The following PALS1 variants were observed in gnomAD, a reference collection of about 807,000 sequenced individuals.
The protein encoded by PALS1 is protein associated with LIN7 1, MAGUK p55 family member.
A neutral mutation model predicts 78.9 loss-of-function variants in PALS1; 31 were observed. That is an observed-to-expected ratio of 0.39 (90% CI 0.30 to 0.53). The LOEUF (loss-of-function observed/expected upper bound fraction) is 0.53, where lower values mean the gene tolerates loss of function less well. Among genes scored for constraint, PALS1 ranks in the 20% least tolerant of loss-of-function variants. The pLI is 0.67. For synonymous variants in PALS1, 276 were observed against 270.9 expected (o/e 1.02, Z -0.18); for missense variants, 704 against 826.5 (o/e 0.85, Z 1.82).
rs8021422 is a variant in PALS1, at chr14:67,261,308, C to T, written c.-236-8393C>T. On this transcript the variant is annotated intron_variant, in intron 1 of 14. Transcript: ENST00000261681. ...AAACTCATAGAAAAGTTAAGATGCT[C>T]ATAGAAAAACCCATGCAAGAGATAA... 8.6e-3 allele frequency among the ~76,000 whole-genome samples: 1,305 copies of T among 152,078 alleles called. 13 individuals carry two copies. Among genetic ancestry groups the T allele is most frequent in the Non-Finnish European group, 0.015 (1,029 of 67,966 alleles).
At chr14:67,313,154 A>G (rs1420197506) in intron 9 of PALS1, among the ~76,000 whole-genome samples, 1 of 152,156 alleles carries the variant, frequency 6.6e-6, no homozygotes, top group Non-Finnish European at 1.5e-5. Flanking sequence ...GGATGCTCCA[A>G]ATTTTTTATT....
intron 1 of PALS1, among the ~76,000 whole-genome samples, chr14:67,259,880 GA>G (rs33951454): frequency 0.36 from 40,398 of 111,844 alleles, 7,484 homozygotes; most frequent in African/African-American, 0.58. Context: ...CTCCATCTAA[GA>G]AAAAAAAAAA....
At chr14:67,285,934 G>T (rs1223555793) in intron 3 of PALS1, among the ~76,000 whole-genome samples, 2 of 152,072 alleles carry the variant, frequency 1.3e-5, no homozygotes, top group Non-Finnish European at 2.9e-5. Flanking sequence ...AAATGTAAGT[G>T]AATTTTCTTA....
chr14:67,246,631 G>A (rs1191105090), intron 1 of PALS1, among the ~76,000 whole-genome samples: 1 of 149,566 alleles, frequency 6.7e-6, no homozygotes. Flanking sequence ...GTTAGCCACT[G>A]AGCCTGGCCT....
chr14:67,301,445 G>T lies in PALS1; in HGVS notation c.633G>T (p.Leu211Phe). The T allele has an allele frequency of 6.2e-7, 1 of 1,610,456 alleles. No homozygotes were observed. Among genetic ancestry groups the T allele is most frequent in the East Asian group, 2.2e-5 (1 of 44,678 alleles). The change falls in exon 5 of 15, where the codon TTG (leucine) becomes TTT (phenylalanine). Residue 211 changes from leucine (L) to phenylalanine (F), a missense_variant. Transcript: ENST00000261681. ...HHKEGQELTA[L>F]LNTPHIQALL... ...AGGAAGGACAAGAACTAACTGCTTT[G>T]CTGAATACTCCACATATTCAGGTAG...
At chr14:67,317,028 G>T (rs964668356) in intron 10 of PALS1, 125 bp downstream of exon 10, 3 of 667,172 alleles carry the variant, frequency 4.5e-6, no homozygotes, top group Non-Finnish European at 7.7e-6. Context: ...AGGCAAAACT[G>T]ATTATCTCAG....
chr14:67,266,386 C>T (rs1212841586), intron 1 of PALS1, among the ~76,000 whole-genome samples: 1 of 152,036 alleles, frequency 6.6e-6, no homozygotes, highest in Admixed American at 6.6e-5. Context: ...AGTGCAGTGG[C>T]GTGATCTCAG....
intron 4 of PALS1, among the ~76,000 whole-genome samples, chr14:67,300,336 C>CTTTT (rs36091817): frequency 2.1e-4 from 29 of 139,082 alleles, no homozygotes; most frequent in Admixed American, 1.9e-3. Context: ...TATGAATTAC[C>CTTTT]TTTTTTTTTT....
Position 67,302,457 on chromosome 14 carries a change from A to G in PALS1, c.849A>G (p.Ile283Met). 6.3e-7 allele frequency: 1 copy of G among 1,598,766 alleles called. No homozygotes were observed. The highest frequency in any genetic ancestry group is 1.1e-5 in the South Asian group (1 of 88,890). Residue 283 changes from isoleucine (I) to methionine (M), a missense_variant, in exon 7 of 15, where the codon ATA becomes ATG. Transcript: ENST00000261681. The part of the protein sequence containing the change: ...NEMDSVIISR[I>M]VKGGAAEKSG... ...TGGACTCTGTCATCATTAGCCGGAT[A>G]GTAAAAGGGGGTGCTGCAGAGAAAA...
chr14:67,321,981 T>C (rs779713550), intron 13 of PALS1, among the ~76,000 whole-genome samples: 71 of 152,334 alleles, frequency 4.7e-4, no homozygotes, highest in Admixed American at 4.6e-4. Context: ...TTAACAAGTA[T>C]CACAGTGAAT....
chr14:67,313,646 G>C (rs1021162959), intron 9 of PALS1, among the ~76,000 whole-genome samples: 1 of 152,014 alleles, frequency 6.6e-6, no homozygotes, highest in African/African-American at 2.4e-5. Flanking sequence ...TAGAGTAAAG[G>C]GATAATAATT....
intron 1 of PALS1, among the ~76,000 whole-genome samples, chr14:67,253,500 G>C (rs2084095687): frequency 6.6e-6 from 1 of 152,138 alleles, no homozygotes; most frequent in South Asian, 2.1e-4. Flanking sequence ...TTACTCTGGG[G>C]TGTTTTTCAG....
Position 67,303,489 on chromosome 14 carries a change from A to C in PALS1, c.964-33A>C, listed in dbSNP as rs770670802. 5.2e-6 allele frequency: 8 copies of C among 1,534,730 alleles called. No homozygotes were observed. In the Admixed American group the frequency reaches 1.0e-4, roughly 19 times the overall value. ...TCATGGAATGATTTTCATAAATGCA[A>C]ATTTAAAAAATAACCTGATCTTTCT... On this transcript the variant is annotated intron_variant, in intron 7 of 14. Transcript: ENST00000261681.
intron 1 of PALS1, among the ~76,000 whole-genome samples, chr14:67,259,663 C>T (rs994355655): frequency 1.3e-5 from 2 of 151,748 alleles, no homozygotes; most frequent in African/African-American, 2.4e-5. Flanking sequence ...GTAATCCCAG[C>T]GCCCTGAGAG....
intron 1 of PALS1, among the ~76,000 whole-genome samples, chr14:67,252,444 C>T (rs1226755943): frequency 1.3e-5 from 2 of 152,096 alleles, no homozygotes; most frequent in South Asian, 2.1e-4. Flanking sequence ...AGTGAGCCAC[C>T]GTGCTCAGCA....
rs1054163480 is a variant in PALS1 at position 67,241,454 on chromosome 14, AAGGGCCGCCGG to A, written c.-310_-300del. 9.8e-5 allele frequency: 15 copies of A among 152,338 alleles called. No individual in the cohort carries two copies. Among genetic ancestry groups the A allele is most frequent in the Admixed American group, 7.9e-4 (12 of 15,278 alleles). The allele number at this position is 152,338 out of a possible 1,614,324, so 9.4% of individuals were successfully genotyped here. On this transcript the variant is annotated 5_prime_UTR_variant, in exon 1 of 15. Coordinates refer to ENST00000261681, the MANE Select transcript of PALS1 (RefSeq NM_022474.4). Reference sequence around the variant, plus strand: ...TTCTGGATTCTTTATCCGGAATTTCAAGGGCCGCCGGAGGGCTGTCGCTTCTGCAGTGCGTA... The same window carrying A: ...TTCTGGATTCTTTATCCGGAATTTCAAGGGCTGTCGCTTCTGCAGTGCGTA...
intron 14 of PALS1, among the ~76,000 whole-genome samples, chr14:67,324,638 G>T (rs923084550): frequency 6.6e-6 from 1 of 152,108 alleles, no homozygotes; most frequent in African/African-American, 2.4e-5. Context: ...AGGCTGGAGT[G>T]TAGTGGCATG....
intron 1 of PALS1, among the ~76,000 whole-genome samples, chr14:67,251,422 A>T (rs759636616): frequency 6.6e-6 from 1 of 152,076 alleles, no homozygotes; most frequent in Non-Finnish European, 1.5e-5. Context: ...GGTCCCAGCT[A>T]CTCAGGAGGC....
chr14:67,249,178 T>A (rs1328233603), intron 1 of PALS1, among the ~76,000 whole-genome samples: 1 of 152,068 alleles, frequency 6.6e-6, no homozygotes, highest in Non-Finnish European at 1.5e-5. Flanking sequence ...GCCAGGCTGG[T>A]CTTGAACTCC....
Sources: allele counts gnomAD v4.1 joint callset (sites outside exome capture counted in the v4.1 genomes callset), GRCh38; gene constraint gnomAD v4.1.1; transcripts MANE v1.5; gene names NCBI Gene and HGNC (gene_info 2026-07-23, HGNC 2026-07-21).